The following RBFOX3 variants were observed in gnomAD, a reference collection of about 807,000 sequenced individuals.
The protein encoded by RBFOX3 is RNA binding protein fox-1 homolog 3.
In RBFOX3, 17 loss-of-function variants were observed where a neutral mutation model predicts 48.7. The ratio of observed to expected loss-of-function variants is 0.35; its 90% CI spans 0.24 to 0.52. The LOEUF (loss-of-function observed/expected upper bound fraction) is 0.52, where lower values mean the gene tolerates loss of function less well. RBFOX3 is among the 20% of genes least tolerant of loss of function. The pLI is 0.94. For synonymous variants in RBFOX3, 212 were observed against 209.5 expected (o/e 1.01, Z -0.10); for missense variants, 382 against 497.5 (o/e 0.77, Z 2.21).
chr17:79,635,223 G>A, the RBFOX3 span, among the ~76,000 whole-genome samples: 1 of 152,132 alleles, frequency 6.6e-6, no homozygotes, highest in Non-Finnish European at 1.5e-5. Flanking sequence ...GGGATGCCTG[G>A]TTAAGGGCTG....
intron 2 of RBFOX3, among the ~76,000 whole-genome samples, chr17:79,357,276 C>G (rs1038919105): frequency 6.6e-6 from 1 of 152,172 alleles, no homozygotes; most frequent in African/African-American, 2.4e-5. Context: ...TGCCCAAAAA[C>G]GAAACAAAAC....
intron 3 of RBFOX3, among the ~76,000 whole-genome samples, chr17:79,279,213 AAGATAC>A (rs1371476383): frequency 2.0e-5 from 3 of 152,056 alleles, no homozygotes; most frequent in Non-Finnish European, 4.4e-5. Flanking sequence ...CCAGGAGAAA[AAGATAC>A]AGAATTGGAT....
chr17:79,487,909 C>T (rs1442533053), intron 1 of RBFOX3, among the ~76,000 whole-genome samples: 2 of 8,312 alleles, frequency 2.4e-4, no homozygotes, highest in Non-Finnish European at 6.2e-4. Context: ...AAGACCCCAT[C>T]TCAGAAAAAA....
intron 1 of RBFOX3, among the ~76,000 whole-genome samples, chr17:79,587,113 C>A (rs930396480): frequency 6.6e-6 from 1 of 152,174 alleles, no homozygotes; most frequent in African/African-American, 2.4e-5. Context: ...AACTGGTGGG[C>A]GCAAGGCAGA....
At chr17:79,486,258 G>C (rs1295736369) in intron 1 of RBFOX3, among the ~76,000 whole-genome samples, 1 of 152,186 alleles carries the variant, frequency 6.6e-6, no homozygotes, top group Non-Finnish European at 1.5e-5. Flanking sequence ...GGCGGGGCCT[G>C]GTCGAGGCCA....
At chr17:79,177,525 C>G (rs2050854585) in intron 4 of RBFOX3, among the ~76,000 whole-genome samples, 1 of 152,316 alleles carries the variant, frequency 6.6e-6, no homozygotes, top group South Asian at 2.1e-4. Flanking sequence ...GTCAGCTTAC[C>G]CCCCTCTGCG....
intron 2 of RBFOX3, among the ~76,000 whole-genome samples, chr17:79,334,010 T>C (rs2080805790): frequency 6.6e-6 from 1 of 152,168 alleles, no homozygotes; most frequent in East Asian, 1.9e-4. Flanking sequence ...CCCACCCTGG[T>C]CACCAACGAT....
chr17:79,495,550 GC>G (rs1360377717), intron 1 of RBFOX3, among the ~76,000 whole-genome samples: 9 of 12,966 alleles, frequency 6.9e-4, no homozygotes, highest in Non-Finnish European at 7.7e-4. Flanking sequence ...GGAGGTGGGG[GC>G]AGGGGTACTG....
intron 2 of RBFOX3, among the ~76,000 whole-genome samples, chr17:79,445,894 C>T (rs2072167863): frequency 6.6e-6 from 1 of 152,218 alleles, no homozygotes; most frequent in Admixed American, 6.5e-5. Flanking sequence ...CAGGGGCCCT[C>T]CAACCAGGGG....
intron 3 of RBFOX3, among the ~76,000 whole-genome samples, chr17:79,266,308 C>A (rs924926432): frequency 1.3e-5 from 2 of 152,232 alleles, no homozygotes; most frequent in Non-Finnish European, 2.9e-5. Flanking sequence ...GAAGTGTCCT[C>A]ATCCTCGTGG....
intron 1 of RBFOX3, among the ~76,000 whole-genome samples, chr17:79,496,088 A>G (rs1472070297): frequency 1.3e-5 from 2 of 152,056 alleles, no homozygotes; most frequent in South Asian, 2.1e-4. Context: ...GAACTTTTGG[A>G]AAGTGGAGCA....
the RBFOX3 span, among the ~76,000 whole-genome samples, chr17:79,654,426 GAA>G: frequency 6.6e-6 from 1 of 152,236 alleles, no homozygotes; most frequent in Non-Finnish European, 1.5e-5. Context: ...GCAAATGAAA[GAA>G]GCATTAGAAA....
intron 1 of RBFOX3, among the ~76,000 whole-genome samples, chr17:79,547,776 G>A (rs1450610374): frequency 1.3e-5 from 2 of 152,184 alleles, no homozygotes; most frequent in African/African-American, 2.4e-5. Flanking sequence ...GCAGGCAGGG[G>A]CCACACCACA....
At chr17:79,142,111 T>C in intron 4 of RBFOX3, among the ~76,000 whole-genome samples, 1 of 152,338 alleles carries the variant, frequency 6.6e-6, no homozygotes, top group African/African-American at 2.4e-5. Flanking sequence ...AAATTAAATA[T>C]CGCAGCTTTT....
At chr17:79,537,394 C>G in intron 1 of RBFOX3, among the ~76,000 whole-genome samples, 1 of 152,206 alleles carries the variant, frequency 6.6e-6, no homozygotes, top group East Asian at 1.9e-4. Flanking sequence ...CCACCCTCAT[C>G]TTAACTTGAT....
At chr17:79,160,361 T>C (rs2145278525) in intron 4 of RBFOX3, among the ~76,000 whole-genome samples, 1 of 152,300 alleles carries the variant, frequency 6.6e-6, no homozygotes. Context: ...AGCATGGCAG[T>C]GTGGTCCCAC....
intron 1 of RBFOX3, among the ~76,000 whole-genome samples, chr17:79,501,047 G>T (rs1448701201): frequency 6.6e-6 from 1 of 152,224 alleles, no homozygotes; most frequent in African/African-American, 2.4e-5. Context: ...TTTCCTGCAA[G>T]ACCATTAGGG....
At chr17:79,399,723 C>T (rs2062535554) in intron 2 of RBFOX3, among the ~76,000 whole-genome samples, 1 of 152,218 alleles carries the variant, frequency 6.6e-6, no homozygotes, top group African/African-American at 2.4e-5. Flanking sequence ...TTCTCATCAC[C>T]TTTTCCTGCT....
At chr17:79,550,791 G>C (rs999527926) in intron 1 of RBFOX3, among the ~76,000 whole-genome samples, 6 of 151,492 alleles carry the variant, frequency 4.0e-5, no homozygotes, top group South Asian at 2.2e-4. Flanking sequence ...GTGGATGGAT[G>C]GATGGTCAGT....
Sources: gnomAD v4.1 joint callset for allele counts (sites outside exome capture counted in the v4.1 genomes callset) on GRCh38, gnomAD v4.1.1 for gene constraint, MANE v1.5 for transcripts, NCBI Gene and HGNC (gene_info 2026-07-23, HGNC 2026-07-21) for gene names.